Variants in MYO5A observed in about 807,000 individuals in gnomAD.
MYO5A encodes myosin VA.
A neutral mutation model predicts 249.7 loss-of-function variants in MYO5A; 98 were observed. The observed-to-expected ratio is 0.39, with a 90% confidence interval of 0.33 to 0.46. MYO5A has a LOEUF of 0.46. Ranked by LOEUF, MYO5A falls within the 20% of genes least tolerant of loss-of-function variation. The pLI, the probability that MYO5A is intolerant of heterozygous loss-of-function variation, is 0.98. For missense variants in MYO5A, 1,696 were observed against 2,308.8 expected, an observed-to-expected ratio of 0.73 and a Z score of 5.44; for synonymous variants, 778 against 810.6, an observed-to-expected ratio of 0.96 and a Z score of 0.68.
rs988210790 is a variant in MYO5A at position 52,348,723 on chromosome 15, C to G, written c.3858+95G>C. 99 of 1,041,064 alleles carry G rather than the reference C, an allele frequency of 9.5e-5. No homozygotes were observed. The South Asian group carries it at 1.4e-3, about 15-fold the overall frequency. 64.5% of individuals were successfully genotyped at this position (1,041,064 alleles called of 1,614,324 possible). On this transcript the variant is annotated intron_variant, in intron 29 of 41. Coordinates refer to ENST00000399233, the MANE Select transcript of MYO5A (RefSeq NM_001382347.1). Reference sequence around the variant, plus strand: ...TTCAAAATATCAAAATAGACTTGGTCAGAAAGCATCAATTGCCTTTATTGG... The same window carrying G: ...TTCAAAATATCAAAATAGACTTGGTGAGAAAGCATCAATTGCCTTTATTGG...
chr15:52,426,138 C>T lies in MYO5A; in HGVS notation c.311-164G>A, dbSNP rs1724641. On this transcript the variant is annotated intron_variant, in intron 3 of 41. Coordinates refer to ENST00000399233, the MANE Select transcript of MYO5A (RefSeq NM_001382347.1). The stretch of plus-strand genomic sequence containing the variant: ...AAGGATCAAAATGTATCATAGCCTT[C>T]GCCTCTGAACCCATTATACATAGTT... 0.46 allele frequency among the ~76,000 whole-genome samples: 70,568 copies of T among 151,994 alleles called. 18,204 individuals carry two copies. Among genetic ancestry groups the T allele is most frequent in the East Asian group, 0.85 (4,391 of 5,170 alleles).
intron 1 of MYO5A, among the ~76,000 whole-genome samples, chr15:52,494,354 G>C (rs2076995383): frequency 6.6e-6 from 1 of 152,126 alleles, no homozygotes; most frequent in Non-Finnish European, 1.5e-5. Flanking sequence ...GGGTCTTCTT[G>C]GTTCTGTGCT....
At chr15:52,414,710 C>A (rs1214675981) in intron 5 of MYO5A, among the ~76,000 whole-genome samples, 1 of 152,114 alleles carries the variant, frequency 6.6e-6, no homozygotes, top group African/African-American at 2.4e-5. Context: ...ATGACCAAAA[C>A]CAGTCAAAAC....
intron 10 of MYO5A, 102 bp from the exon 11 acceptor site, chr15:52,396,499 C>G: frequency 1.4e-6 from 1 of 699,112 alleles, no homozygotes; most frequent in Non-Finnish European, 2.5e-6. Context: ...GGGACATTCC[C>G]CAACATTGTA....
intron 18 of MYO5A, among the ~76,000 whole-genome samples, chr15:52,377,477 T>C (rs534561166): frequency 6.6e-6 from 1 of 152,122 alleles, no homozygotes; most frequent in Non-Finnish European, 1.5e-5. Flanking sequence ...TTATATTACA[T>C]TGTGATTCAC....
At chr15:52,422,611 T>G (rs1330347384) in intron 4 of MYO5A, among the ~76,000 whole-genome samples, 3 of 152,200 alleles carry the variant, frequency 2.0e-5, no homozygotes, top group African/African-American at 7.2e-5. Flanking sequence ...CTCCACTAAT[T>G]AAATGATCAT....
intron 34 of MYO5A, among the ~76,000 whole-genome samples, chr15:52,333,001 C>T (rs1183033392): frequency 1.3e-5 from 2 of 152,142 alleles, no homozygotes; most frequent in Admixed American, 1.3e-4. Context: ...CTAGCTAAGC[C>T]TTTTGCCCTT....
In MYO5A at chr15:52,379,907, A is replaced by G; in HGVS notation, c.2014T>C (p.Phe672Leu). 6.2e-7 allele frequency: 1 copy of G among 1,613,970 alleles called. No homozygotes were observed. Among genetic ancestry groups the G allele is most frequent in the Non-Finnish European group, 8.5e-7 (1 of 1,179,936 alleles). Residue 672 changes from phenylalanine (F) to leucine (L), a missense_variant and splice_region_variant, in exon 17 of 42, where the codon TTT becomes CTT. Coordinates refer to ENST00000399233, the MANE Select transcript of MYO5A (RefSeq NM_001382347.1). ...KPNDFKFPFT[F>L]DEKRAVQQLR... ...TGCTGCACTGCCCTCTTCTCATCAA[A>G]CCTACAAATAAAAATCAAAGCTGTT... is the stretch of plus-strand genomic sequence containing the variant.
intron 18 of MYO5A, 106 bp downstream of exon 18, chr15:52,379,519 G>T (rs944604684): frequency 2.1e-6 from 2 of 955,584 alleles, no homozygotes; most frequent in African/African-American, 3.2e-5. Context: ...ATCCCACCCC[G>T]AAATGATCTG....
intron 1 of MYO5A, among the ~76,000 whole-genome samples, chr15:52,476,015 G>T (rs1378334611): frequency 6.6e-6 from 1 of 152,166 alleles, no homozygotes; most frequent in Non-Finnish European, 1.5e-5. Context: ...GTATTATTGT[G>T]TGGGAGTCTA....
intron 1 of MYO5A, among the ~76,000 whole-genome samples, chr15:52,519,195 T>C (rs971719133): frequency 1.3e-5 from 2 of 151,888 alleles, no homozygotes; most frequent in East Asian, 3.9e-4. Flanking sequence ...TGTATGAAAA[T>C]AGGGGAAGAG....
intron 11 of MYO5A, among the ~76,000 whole-genome samples, chr15:52,392,871 A>G (rs2042308992): frequency 6.6e-6 from 1 of 152,286 alleles, no homozygotes; most frequent in Non-Finnish European, 1.5e-5. Flanking sequence ...CACAAGCTGT[A>G]GTAGTATTAC....
chr15:52,499,433 C>A (rs1326524050), intron 1 of MYO5A, among the ~76,000 whole-genome samples: 1 of 152,076 alleles, frequency 6.6e-6, no homozygotes, highest in African/African-American at 2.4e-5. Context: ...ACCGTCTGTC[C>A]ACAGAACTTT....
chr15:52,422,666 C>T (rs1029161654), intron 4 of MYO5A, among the ~76,000 whole-genome samples: 7 of 152,166 alleles, frequency 4.6e-5, no homozygotes, highest in Non-Finnish European at 1.5e-5. Context: ...AGTCTCCTGG[C>T]CTCTACCCTT....
chr15:52,400,673 T>C (rs1269133077), intron 9 of MYO5A, among the ~76,000 whole-genome samples: 2 of 152,178 alleles, frequency 1.3e-5, no homozygotes, highest in East Asian at 1.9e-4. Context: ...CATGATTAGA[T>C]TTGGGCAGAA....
intron 11 of MYO5A, among the ~76,000 whole-genome samples, chr15:52,392,828 G>T (rs1032888130): frequency 6.6e-6 from 1 of 152,196 alleles, no homozygotes; most frequent in Admixed American, 6.5e-5. Context: ...TGGAAGAAGC[G>T]GACAGAAACC....
At chr15:52,393,134 C>T (rs1400348995) in intron 11 of MYO5A, among the ~76,000 whole-genome samples, 1 of 152,198 alleles carries the variant, frequency 6.6e-6, no homozygotes, top group Admixed American at 6.5e-5. Context: ...GACTGCTACT[C>T]ATTCTTGGGG....
chr15:52,475,900 A>AGGTACACTT (rs1227744874), intron 1 of MYO5A, among the ~76,000 whole-genome samples: 6 of 152,230 alleles, frequency 3.9e-5, no homozygotes, highest in African/African-American at 7.2e-5. Context: ...GATGTCTATT[A>AGGTACACTT]GGTACACTTG....
At chr15:52,443,931 C>T (rs28499517) in intron 1 of MYO5A, among the ~76,000 whole-genome samples, 6,032 of 151,564 alleles carry the variant, frequency 0.04, 332 homozygotes, top group African/African-American at 0.13. Flanking sequence ...TGCAGTGAGC[C>T]GAGATTGTGC....
Sources: allele counts gnomAD v4.1 joint callset (sites outside exome capture counted in the v4.1 genomes callset), GRCh38; gene constraint gnomAD v4.1.1; transcripts MANE v1.5; gene names NCBI Gene and HGNC (gene_info 2026-07-23, HGNC 2026-07-21).